Variants in EXOC6 observed in about 807,000 individuals in gnomAD.
The protein encoded by EXOC6 is SEC15-like 1.
EXOC6 carries 60 observed loss-of-function variants against 112.5 expected under a neutral mutation model. The observed-to-expected ratio is 0.53, with a 90% CI of 0.43 to 0.66. The LOEUF is 0.66. Ranked by LOEUF, EXOC6 falls within the 30% of genes least tolerant of loss-of-function variation. EXOC6 has a pLI of 0.00. For missense variants in EXOC6, 855 were observed against 957.1 expected, an observed-to-expected ratio of 0.89 and a Z score of 1.41; for synonymous variants, 295 against 308.0, an observed-to-expected ratio of 0.96 and a Z score of 0.44.
intron 1 of EXOC6, among the ~76,000 whole-genome samples, chr10:92,827,506 A>AAAAAAAAACCC: frequency 6.8e-6 from 1 of 147,318 alleles, no homozygotes; most frequent in Non-Finnish European, 1.5e-5. Context: ...AAAAAAAAAA[A>AAAAAAAAACCC]TCCCCATGTT....
At chr10:93,027,428 C>T (rs1435370032) in intron 20 of EXOC6, among the ~76,000 whole-genome samples, 3 of 150,618 alleles carry the variant, frequency 2.0e-5, no homozygotes, top group African/African-American at 7.3e-5. Context: ...CAGTGTAGAT[C>T]AAACAACCTT....
intron 5 of EXOC6, among the ~76,000 whole-genome samples, chr10:92,902,658 T>C (rs940940519): frequency 1.3e-5 from 2 of 152,116 alleles, no homozygotes; most frequent in African/African-American, 4.8e-5. Context: ...AGATGTTGAA[T>C]GTTATTGCTA....
intron 1 of EXOC6, among the ~76,000 whole-genome samples, chr10:92,882,079 T>C (rs774950835): frequency 6.6e-6 from 1 of 152,202 alleles, no homozygotes; most frequent in African/African-American, 2.4e-5. Flanking sequence ...AAGGTTGTTA[T>C]TCATGTCTGC....
Position 92,893,443 on chromosome 10 carries a change from T to C in EXOC6, c.196T>C (p.Cys66Arg). 6.2e-7 allele frequency: 1 copy of C among 1,613,030 alleles called. No homozygotes were observed. The highest frequency in any genetic ancestry group is 8.5e-7 in the Non-Finnish European group (1 of 1,179,256). ...TCATGACAAGGAAATTGAAAAGATG[T>C]GTAATTTTCATCATCAGGGTTTTGT... ...RNHDKEIEKMCNFHHQGFVDA... is the reference protein window; with the variant it reads ...RNHDKEIEKMRNFHHQGFVDA... Residue 66 changes from cysteine to arginine, a missense_variant, in exon 2 of 22, where the codon TGT (cysteine) becomes CGT (arginine). Coordinates refer to ENST00000260762, the MANE Select transcript of EXOC6 (RefSeq NM_019053.6).
intron 20 of EXOC6, among the ~76,000 whole-genome samples, chr10:93,022,039 C>T (rs17108061): frequency 0.036 from 5,408 of 152,266 alleles, 182 homozygotes; most frequent in East Asian, 0.13. Context: ...ACTGACCCCA[C>T]GTACTTCCTT....
intron 9 of EXOC6, among the ~76,000 whole-genome samples, chr10:92,931,496 T>C (rs1274775110): frequency 1.3e-5 from 2 of 151,792 alleles, no homozygotes; most frequent in South Asian, 4.2e-4. Context: ...AATTAGCATA[T>C]TCATTGTGAA....
At chr10:92,987,247 A>G (rs1331483321) in intron 18 of EXOC6, among the ~76,000 whole-genome samples, 1 of 152,222 alleles carries the variant, frequency 6.6e-6, no homozygotes, top group East Asian at 1.9e-4. Context: ...ATATTTGAGA[A>G]TCACTGCTCT....
chr10:92,916,617 C>A (rs1851104803), intron 7 of EXOC6, among the ~76,000 whole-genome samples: 1 of 152,220 alleles, frequency 6.6e-6, no homozygotes. Context: ...TAGTGACACT[C>A]ACCAGTGAAC....
At chr10:92,976,083 C>T (rs542926988) in intron 18 of EXOC6, among the ~76,000 whole-genome samples, 145 of 149,862 alleles carry the variant, frequency 9.7e-4, no homozygotes, top group African/African-American at 3.3e-3. Context: ...CCAGCCGCCC[C>T]GCCCGGGAGG....
chr10:92,899,812 A>G, intron 5 of EXOC6, 168 bp downstream of exon 5: 2 of 497,198 alleles, frequency 4.0e-6, no homozygotes, highest in South Asian at 6.7e-5. Context: ...AGCAAATCTT[A>G]GCCTTTTATT....
chr10:92,843,454 CTTTAAGAAACATTTGAATGATGTAAAGTT>C (rs1209155469), intron 1 of EXOC6, among the ~76,000 whole-genome samples: 2 of 152,234 alleles, frequency 1.3e-5, no homozygotes, highest in Non-Finnish European at 2.9e-5. Flanking sequence ...CTCTAAAACT[CTTTAAGAAACATTTGAATGATGTAAAGTT>C]TTGCGAGGAT....
At chr10:92,842,485 A>G (rs1810590876) in intron 1 of EXOC6, among the ~76,000 whole-genome samples, 1 of 151,296 alleles carries the variant, frequency 6.6e-6, no homozygotes, top group African/African-American at 2.4e-5. Context: ...TTCATTAGCT[A>G]CATTTCAAAT....
chr10:92,954,226 G>C (rs1853571566), intron 15 of EXOC6, among the ~76,000 whole-genome samples: 1 of 152,150 alleles, frequency 6.6e-6, no homozygotes, highest in South Asian at 2.1e-4. Context: ...GCTACAGTGA[G>C]CTATAATTGC....
chr10:92,939,825 A>G (rs948294034), intron 12 of EXOC6, among the ~76,000 whole-genome samples: 1 of 152,098 alleles, frequency 6.6e-6, no homozygotes, highest in African/African-American at 2.4e-5. Context: ...CAAGAAAGAG[A>G]TGTCAGGTAG....
intron 6 of EXOC6, among the ~76,000 whole-genome samples, chr10:92,914,968 T>A (rs1452891497): frequency 2.0e-5 from 3 of 152,238 alleles, no homozygotes; most frequent in African/African-American, 4.8e-5. Flanking sequence ...TGCCTAAAAG[T>A]ATGAGGGTTC....
At chr10:92,948,952 A>G (rs563573091) in intron 14 of EXOC6, among the ~76,000 whole-genome samples, 4 of 152,306 alleles carry the variant, frequency 2.6e-5, no homozygotes, top group East Asian at 1.9e-4. Flanking sequence ...CAGGGTAGAG[A>G]AAGGAAGTAG....
intron 20 of EXOC6, among the ~76,000 whole-genome samples, chr10:93,014,724 T>C (rs1178830365): frequency 6.6e-6 from 1 of 152,170 alleles, no homozygotes; most frequent in Non-Finnish European, 1.5e-5. Context: ...AATTTTCTGT[T>C]GATCCCAGAA....
At chr10:92,909,981 G>T (rs1850649305) in intron 6 of EXOC6, among the ~76,000 whole-genome samples, 5 of 152,174 alleles carry the variant, frequency 3.3e-5, no homozygotes, top group Admixed American at 3.3e-4. Context: ...TTTATGCTAA[G>T]ATTCTAAACT....
chr10:92,987,190 C>G (rs1843042374), intron 18 of EXOC6, among the ~76,000 whole-genome samples: 1 of 152,124 alleles, frequency 6.6e-6, no homozygotes, highest in African/African-American at 2.4e-5. Flanking sequence ...GGCCCTAGAC[C>G]TAACAACTAA....
Sources: gnomAD v4.1 joint callset for allele counts (sites outside exome capture counted in the v4.1 genomes callset) on GRCh38, gnomAD v4.1.1 for gene constraint, MANE v1.5 for transcripts, NCBI Gene and HGNC (gene_info 2026-07-23, HGNC 2026-07-21) for gene names.